ZC3H11A: variants seen among roughly 807,000 people sequenced by gnomAD.
ZC3H11A encodes zinc finger CCCH-type containing 11A.
In ZC3H11A, 22 loss-of-function variants were observed where a neutral mutation model predicts 90.8. That is an observed-to-expected ratio of 0.24 (90% confidence interval 0.17 to 0.35). The LOEUF (loss-of-function observed/expected upper bound fraction) is 0.35. Ranked by LOEUF, ZC3H11A falls within the 10% of genes least tolerant of loss-of-function variation. The pLI is 1.00. For synonymous variants in ZC3H11A, 294 were observed against 339.8 expected, an observed-to-expected ratio of 0.87 and a Z score of 1.48; for missense variants, 701 against 964.9, an observed-to-expected ratio of 0.73 and a Z score of 3.62.
chr1:203,814,835 ATTTG>A lies in ZC3H11A; in HGVS notation c.-145-2087_-145-2084del. On this transcript the variant is annotated intron_variant, in intron 2 of 17. Transcript: ENST00000367210. ...GAATATACCGTAATTTTTTTAAATC[ATTTG>A]TTTATTTTTGAGATAGAGTCTCACT... The A allele has an allele frequency of 2.0e-5, 3 of 152,076 alleles. No individual in the cohort carries two copies. The East Asian group carries it at 5.8e-4, about 29-fold the overall frequency. 9.4% of individuals were successfully genotyped at this position (152,076 alleles called of 1,614,324 possible). A position where few individuals can be genotyped will look rare whatever the true frequency, so the allele number is the denominator to read the frequency against.
At chr1:203,808,198 T>A (rs545984196) in intron 2 of ZC3H11A, among the ~76,000 whole-genome samples, 1 of 152,354 alleles carries the variant, frequency 6.6e-6, no homozygotes, top group South Asian at 2.1e-4. Flanking sequence ...CTGAGCTATT[T>A]GTGAAATGTA....
intron 4 of ZC3H11A, among the ~76,000 whole-genome samples, chr1:203,821,994 T>C (rs1678919086): frequency 2.0e-5 from 3 of 152,140 alleles, no homozygotes; most frequent in Admixed American, 2.0e-4. Flanking sequence ...GCTGACCTCG[T>C]GATCCGCCCG....
chr1:203,838,098 G>A, intron 11 of ZC3H11A, 34 bp downstream of exon 11: 1 of 1,594,060 alleles, frequency 6.3e-7, no homozygotes, highest in Non-Finnish European at 8.6e-7. Context: ...GTGTGTGTAT[G>A]TAATTATGAC....
intron 10 of ZC3H11A, chr1:203,835,682 G>T (rs1684093789): frequency 4.0e-6 from 1 of 247,460 alleles, no homozygotes; most frequent in Non-Finnish European, 8.7e-6. Flanking sequence ...TGTTTCCATG[G>T]GCTTGAGTTA....
In ZC3H11A at chr1:203,849,925, C is replaced by T; in HGVS notation, c.1838C>T (p.Pro613Leu). Residue 613 changes from proline (P) to leucine (L), a missense_variant, in exon 15 of 18, where the codon CCC (proline) becomes CTC (leucine). Around this residue, in one of 4 missense-constraint regions of ZC3H11A, gnomAD observed 530 missense variants for 696.2 expected, o/e 0.76. Coordinates refer to ENST00000367210, the MANE Select transcript of ZC3H11A (RefSeq NM_001376342.1). ...GITRHLTKRL[P>L]TKSSQKVEVE... ...ACACGGCACCTGACCAAGCGGCTTC[C>T]CACAAAGTCATCCCAGAAGGTGGAG... is the stretch of plus-strand genomic sequence containing the variant. The T allele has an allele frequency of 1.2e-6, 2 of 1,614,070 alleles. No homozygotes were observed. Among genetic ancestry groups the T allele is most frequent in the African/African-American group, 1.3e-5 (1 of 75,012 alleles).
chr1:203,829,368 A>C, intron 5 of ZC3H11A, 83 bp from the exon 6 acceptor site: 3 of 1,352,608 alleles, frequency 2.2e-6, no homozygotes, highest in Non-Finnish European at 3.2e-6. Context: ...AATACACTAT[A>C]GTTTTCATAG....
chr1:203,828,718 A>G (rs1245188724), intron 5 of ZC3H11A, among the ~76,000 whole-genome samples: 1 of 152,224 alleles, frequency 6.6e-6, no homozygotes, highest in African/African-American at 2.4e-5. Flanking sequence ...AAGGTTGGCA[A>G]AACTGGTCCT....
intron 2 of ZC3H11A, among the ~76,000 whole-genome samples, chr1:203,806,788 A>G (rs945923864): frequency 3.5e-5 from 5 of 141,352 alleles, no homozygotes; most frequent in Non-Finnish European, 7.6e-5. Context: ...GTACCTTACA[A>G]TTTACCAAGT....
intron 10 of ZC3H11A, among the ~76,000 whole-genome samples, chr1:203,834,464 G>A (rs1047146596): frequency 2.6e-5 from 4 of 152,064 alleles, no homozygotes; most frequent in African/African-American, 7.2e-5. Context: ...TAGTGATAGG[G>A]TTTCACCATG....
At chr1:203,811,970 C>T (rs982642125) in intron 2 of ZC3H11A, among the ~76,000 whole-genome samples, 1 of 151,842 alleles carries the variant, frequency 6.6e-6, no homozygotes, top group African/African-American at 2.4e-5. Context: ...TGTGTGCCAC[C>T]ATGCTTGGCT....
chr1:203,827,118 T>C (rs954415071), intron 4 of ZC3H11A, among the ~76,000 whole-genome samples: 3 of 152,188 alleles, frequency 2.0e-5, no homozygotes, highest in Non-Finnish European at 4.4e-5. Flanking sequence ...AGTATAGCAA[T>C]GGTTTATTCC....
chr1:203,800,548 T>C, intron 1 of ZC3H11A: 2 of 1,249,652 alleles, frequency 1.6e-6, no homozygotes, highest in Non-Finnish European at 2.1e-6. Flanking sequence ...ATCATTATCT[T>C]TATAAACACA....
chr1:203,808,330 CT>C (rs1673081280), intron 2 of ZC3H11A, among the ~76,000 whole-genome samples: 1 of 151,960 alleles, frequency 6.6e-6, no homozygotes, highest in South Asian at 2.1e-4. Context: ...ATTTTCTTTC[CT>C]TTGTTGTCAA....
intron 1 of ZC3H11A, chr1:203,797,716 AGAAG>A: frequency 6.5e-7 from 1 of 1,535,256 alleles, no homozygotes; most frequent in Non-Finnish European, 8.7e-7. Context: ...AAGAAAAGAA[AGAAG>A]GGTTTGCGAA....
At chr1:203,833,640 AT>A in intron 9 of ZC3H11A, 150 bp from the exon 10 acceptor site, 1 of 242,942 alleles carries the variant, frequency 4.1e-6, no homozygotes, top group Non-Finnish European at 6.7e-6. Flanking sequence ...TTTTTTTGAT[AT>A]AATGGCCTTC....
At chr1:203,841,151 T>A (rs562898031) in intron 12 of ZC3H11A, among the ~76,000 whole-genome samples, 56 of 136,952 alleles carry the variant, frequency 4.1e-4, no homozygotes, top group Non-Finnish European at 8.3e-4. Context: ...TCTTTTTTTT[T>A]TTTTTATTTT....
intron 4 of ZC3H11A, among the ~76,000 whole-genome samples, chr1:203,820,415 C>T (rs1443879206): frequency 1.3e-5 from 2 of 150,056 alleles, no homozygotes; most frequent in African/African-American, 4.9e-5. Context: ...TGTTTGTATT[C>T]CCCCTCATTA....
intron 14 of ZC3H11A, among the ~76,000 whole-genome samples, chr1:203,848,868 T>A (rs898931807): frequency 2.0e-5 from 3 of 152,162 alleles, no homozygotes; most frequent in Admixed American, 6.6e-5. Context: ...AGCTCAGATG[T>A]AACCATCATT....
At chr1:203,833,562 A>G (rs377220190) in intron 9 of ZC3H11A, among the ~76,000 whole-genome samples, 66 of 148,966 alleles carry the variant, frequency 4.4e-4, no homozygotes, top group African/African-American at 1.6e-3. Context: ...AATTAGTACT[A>G]TGCTATTGCT....
Sources: gnomAD v4.1 joint callset for allele counts (sites outside exome capture counted in the v4.1 genomes callset) on GRCh38, gnomAD v4.1.1 for gene constraint, gnomAD v4.1.1 regional missense constraint, MANE v1.5 for transcripts, NCBI Gene and HGNC (gene_info 2026-07-23, HGNC 2026-07-21) for gene names.